Variants in LPA observed in about 807,000 individuals in gnomAD.
The protein encoded by LPA is lipoprotein(a).
In LPA, 199 loss-of-function variants were observed where a neutral mutation model predicts 197.9. The ratio of observed to expected loss-of-function variants is 1.01; its 90% CI spans 0.90 to 1.13. The LOEUF is 1.13. LPA is among the 50% of genes most tolerant of loss of function. The probability of loss-of-function intolerance (pLI) is 0.00; values close to 1 mark genes in which losing one functional copy is unlikely to be tolerated. For missense variants in LPA, 1,853 were observed against 1,785.8 expected, an observed-to-expected ratio of 1.04 and a Z score of -0.68; for synonymous variants, 715 against 639.5, an observed-to-expected ratio of 1.12 and a Z score of -1.78.
chr6:160,605,311 T>C (rs571864277), intron 17 of LPA, 106 bp from the exon 18 acceptor site: 1 of 1,302,582 alleles, frequency 7.7e-7, no homozygotes, highest in East Asian at 2.3e-5. Context: ...AATTATGACC[T>C]CAGGAGAATA....
intron 16 of LPA, 134 bp from the exon 17 acceptor site, chr6:160,606,792 G>T (rs1779363972): frequency 1.5e-6 from 2 of 1,366,434 alleles, no homozygotes; most frequent in African/African-American, 1.4e-5. Flanking sequence ...CCATATGATT[G>T]CCACAAGCAC....
intron 32 of LPA, 83 bp from the exon 33 acceptor site, chr6:160,545,616 C>T (rs1778056687): frequency 1.2e-6 from 1 of 833,592 alleles, no homozygotes; most frequent in Admixed American, 1.7e-5. Context: ...CATTTCACAT[C>T]TATTCTTAGA....
intron 28 of LPA, among the ~76,000 whole-genome samples, chr6:160,567,249 G>C (rs557417952): frequency 3.0e-4 from 46 of 152,276 alleles, no homozygotes; most frequent in African/African-American, 1.0e-3. Flanking sequence ...TGGAAGTGAG[G>C]CATTCCTCAG....
intron 28 of LPA, among the ~76,000 whole-genome samples, chr6:160,572,226 T>C (rs1446643628): frequency 6.6e-6 from 1 of 152,030 alleles, no homozygotes; most frequent in Non-Finnish European, 1.5e-5. Context: ...CCAGTCCCAA[T>C]GAGATGAGCC....
At chr6:160,593,259 C>T (rs979867549) in intron 22 of LPA, among the ~76,000 whole-genome samples, 1 of 152,136 alleles carries the variant, frequency 6.6e-6, no homozygotes, top group African/African-American at 2.4e-5. Context: ...CCTTTGATTC[C>T]CTTTCTGAAT....
intron 2 of LPA, among the ~76,000 whole-genome samples, chr6:160,649,319 C>T (rs968118023): frequency 3.3e-5 from 5 of 152,088 alleles, no homozygotes; most frequent in East Asian, 3.9e-4. Flanking sequence ...GCTGCTCTTC[C>T]GTAGATGTTC....
Position 160,589,544 on chromosome 6 carries a change from A to G in LPA, c.3947+9T>C. ...GCTGTTTCTCTTGGGAGAAAACTCA[A>G]AGACATACCCATTTGGGTAGTATTC... is the stretch of plus-strand genomic sequence containing the variant. On this transcript the variant is annotated intron_variant, in intron 24 of 38. Coordinates refer to ENST00000316300, the MANE Select transcript of LPA (RefSeq NM_005577.4). 2 of 1,613,194 alleles carry G rather than the reference A, an allele frequency of 1.2e-6. No homozygotes were observed. Among genetic ancestry groups the G allele is most frequent in the Non-Finnish European group, 1.7e-6 (2 of 1,179,726 alleles).
chr6:160,576,152 G>A (rs1778654398), intron 28 of LPA, among the ~76,000 whole-genome samples: 1 of 151,548 alleles, frequency 6.6e-6, no homozygotes, highest in African/African-American at 2.4e-5. Flanking sequence ...CCAAAAGGCT[G>A]TTATGCTTAT....
intron 25 of LPA, 138 bp downstream of exon 25, chr6:160,586,311 A>G (rs1778908362): frequency 6.1e-6 from 6 of 990,244 alleles, no homozygotes; most frequent in Non-Finnish European, 9.1e-6. Context: ...AAGGCACTGA[A>G]GCTTCCTTCC....
chr6:160,651,726 T>C (rs7766300), intron 1 of LPA, among the ~76,000 whole-genome samples: 7,278 of 152,242 alleles, frequency 0.048, 565 homozygotes, highest in African/African-American at 0.16. Context: ...AGACACCATC[T>C]GGAAACTATC....
intron 25 of LPA, among the ~76,000 whole-genome samples, chr6:160,585,448 C>A: frequency 6.6e-6 from 1 of 152,060 alleles, no homozygotes. Context: ...AAACAAAAAA[C>A]AGATCAGAGT....
intron 23 of LPA, 40 bp from the exon 24 acceptor site, chr6:160,589,752 A>G (rs1339893323): frequency 1.2e-6 from 2 of 1,610,994 alleles, no homozygotes; most frequent in Admixed American, 1.7e-5. Context: ...AGTAATTTCC[A>G]GAACACAGAA....
intron 18 of LPA, among the ~76,000 whole-genome samples, chr6:160,602,280 C>T (rs1779259119): frequency 6.6e-6 from 1 of 152,084 alleles, no homozygotes; most frequent in African/African-American, 2.4e-5. Flanking sequence ...TATAATATCC[C>T]TCAGAATTCA....
Position 160,599,525 on chromosome 6 carries a change from G to A in LPA, c.3262C>T (p.Arg1088Trp), listed in dbSNP as rs756764320. The A allele has an allele frequency of 6.2e-6, 10 of 1,613,858 alleles. No individual in the cohort carries two copies. The highest frequency in any genetic ancestry group is 2.2e-5 in the South Asian group (2 of 91,078). Residue 1088 changes from arginine (R) to tryptophan (W), a missense_variant, in exon 20 of 39, where the codon CGG (arginine) becomes TGG (tryptophan). By Grantham distance (101) the Arg-to-Trp change is moderately radical. Coordinates refer to ENST00000316300, the MANE Select transcript of LPA (RefSeq NM_005577.4). ...WSSMTPHQHS[R>W]TPENYPNAGL... ...GCATTTGGGTAGTTTTCTGGGGTCCGACTATGCTGGTGTGGTGTCATAGAT... is the reference window on the plus strand; with the variant it reads ...GCATTTGGGTAGTTTTCTGGGGTCCAACTATGCTGGTGTGGTGTCATAGAT...
chr6:160,598,887 A>C (rs1335847397), intron 20 of LPA, among the ~76,000 whole-genome samples: 2 of 152,216 alleles, frequency 1.3e-5, no homozygotes, highest in African/African-American at 4.8e-5. Flanking sequence ...AGAATGATAG[A>C]ATTCCAAGGT....
At chr6:160,585,392 C>T (rs548849905) in intron 25 of LPA, among the ~76,000 whole-genome samples, 187 bp from the exon 26 acceptor site, 19 of 152,194 alleles carry the variant, frequency 1.2e-4, no homozygotes, top group Admixed American at 1.1e-3. Context: ...AATAAGTAGT[C>T]ATAAATATTT....
chr6:160,634,652 G>A (rs138874197), intron 7 of LPA, among the ~76,000 whole-genome samples: 44 of 150,668 alleles, frequency 2.9e-4, no homozygotes, highest in African/African-American at 1.0e-3. Flanking sequence ...CTGCTCCATA[G>A]ACCCAGGACC....
chr6:160,661,366 T>C (rs1780223823), intron 1 of LPA, among the ~76,000 whole-genome samples: 1 of 152,162 alleles, frequency 6.6e-6, no homozygotes, highest in Non-Finnish European at 1.5e-5. Flanking sequence ...GCGAGACTTC[T>C]AGGGAATACA....
At chr6:160,556,231 C>A in intron 29 of LPA, 47 bp from the exon 30 acceptor site, 1 of 1,582,310 alleles carries the variant, frequency 6.3e-7, no homozygotes, top group Non-Finnish European at 8.7e-7. Context: ...TATGCAGAAA[C>A]ATGTGAAGCA....
Sources: allele counts gnomAD v4.1 joint callset (sites outside exome capture counted in the v4.1 genomes callset), GRCh38; gene constraint gnomAD v4.1.1; transcripts MANE v1.5; gene names NCBI Gene and HGNC (gene_info 2026-07-23, HGNC 2026-07-21).